The following DCDC2C variants were observed in gnomAD, a reference collection of about 807,000 sequenced individuals.
DCDC2C encodes the protein doublecortin domain containing 2C, also known as doublecortin domain-containing protein 2C.
Under a neutral mutation model 45.0 loss-of-function variants are expected in DCDC2C, and 44 were observed. That is an observed-to-expected ratio of 0.98 (90% CI 0.77 to 1.26). The LOEUF (loss-of-function observed/expected upper bound fraction) is 1.26, where lower values mean the gene tolerates loss of function less well. Among genes scored for constraint, DCDC2C ranks in the 50% most tolerant of loss-of-function variants. DCDC2C has a pLI of 0.00. For synonymous variants in DCDC2C, 187 were observed against 178.8 expected (o/e 1.05, Z -0.37); for missense variants, 447 against 468.9 (o/e 0.95, Z 0.43).
intron 10 of DCDC2C, among the ~76,000 whole-genome samples, chr2:3,798,880 TGG>T (rs1274181787): frequency 3.3e-5 from 5 of 152,298 alleles, no homozygotes; most frequent in Admixed American, 6.5e-5. Context: ...AGTATCTTTG[TGG>T]CATTCTCTGT....
chr2:3,704,349 CA>C (rs1213351856), intron 1 of DCDC2C, among the ~76,000 whole-genome samples: 5 of 113,904 alleles, frequency 4.4e-5, no homozygotes, highest in Admixed American at 2.6e-4. Context: ...GGGGCAGAAA[CA>C]GGGGTGTGGA....
At chr2:3,758,639 A>T (rs1669792183) in intron 6 of DCDC2C, among the ~76,000 whole-genome samples, 1 of 152,176 alleles carries the variant, frequency 6.6e-6, no homozygotes, top group Admixed American at 6.5e-5. Flanking sequence ...GTGGTATAAC[A>T]AACCACCCCC....
chr2:3,771,860 C>G (rs755144922), intron 8 of DCDC2C, among the ~76,000 whole-genome samples: 1 of 152,234 alleles, frequency 6.6e-6, no homozygotes, highest in Non-Finnish European at 1.5e-5. Flanking sequence ...CCCATGGACA[C>G]AGGGAAGGTG....
chr2:3,787,731 C>G (rs1670691274), intron 10 of DCDC2C, among the ~76,000 whole-genome samples: 1 of 152,212 alleles, frequency 6.6e-6, no homozygotes, highest in Non-Finnish European at 1.5e-5. Context: ...CTGAATTCCT[C>G]TGCTCAGAGT....
rs186893238 is a variant in DCDC2C, at chr2:3,720,296, C to T, written c.340-6707C>T. 8.6e-4 allele frequency among the ~76,000 whole-genome samples: 131 copies of T among 152,310 alleles called. 1 individual carries two copies. The highest frequency in any genetic ancestry group is 3.0e-3 in the African/African-American group (126 of 41,564). ...AGCAAGAGTCAGCTGCGGAAAGTAT[C>T]AGAAACATTCTGCATCAGGAACAGT... On this transcript the variant is annotated intron_variant, in intron 2 of 10. Transcript: ENST00000399143.
chr2:3,845,713 G>T (rs1192409764), intron 10 of DCDC2C, among the ~76,000 whole-genome samples: 1 of 152,156 alleles, frequency 6.6e-6, no homozygotes, highest in Non-Finnish European at 1.5e-5. Context: ...GCAGGAAAAA[G>T]AACTTTGAAA....
chr2:3,817,417 G>C (rs1489205783), intron 10 of DCDC2C, among the ~76,000 whole-genome samples: 1 of 152,220 alleles, frequency 6.6e-6, no homozygotes, highest in African/African-American at 2.4e-5. Flanking sequence ...CCCTTTGCAA[G>C]AGTGAGGGCC....
intron 10 of DCDC2C, among the ~76,000 whole-genome samples, chr2:3,839,742 C>G (rs1156463636): frequency 6.6e-6 from 1 of 152,244 alleles, no homozygotes; most frequent in Non-Finnish European, 1.5e-5. Flanking sequence ...CCCTGGCTGT[C>G]AGCTCCCGCA....
At chr2:3,723,568 G>A (rs961743517) in intron 2 of DCDC2C, among the ~76,000 whole-genome samples, 5 of 152,174 alleles carry the variant, frequency 3.3e-5, no homozygotes, top group African/African-American at 9.7e-5. Context: ...TGCATGGCCC[G>A]AGGCTCAGTG....
At chr2:3,758,464 A>G (rs1221714860) in intron 6 of DCDC2C, among the ~76,000 whole-genome samples, 1 of 152,224 alleles carries the variant, frequency 6.6e-6, no homozygotes, top group Non-Finnish European at 1.5e-5. Context: ...TATTATATAC[A>G]CGGAAAGACC....
chr2:3,802,143 C>A (rs1021868117), intron 10 of DCDC2C, among the ~76,000 whole-genome samples: 9 of 152,188 alleles, frequency 5.9e-5, no homozygotes, highest in Non-Finnish European at 1.3e-4. Flanking sequence ...GTCCCCAAGC[C>A]CTTGATGCTG....
intron 4 of DCDC2C, among the ~76,000 whole-genome samples, chr2:3,743,204 A>ACATATACAC (rs1669266716): frequency 6.6e-6 from 1 of 152,136 alleles, no homozygotes; most frequent in Non-Finnish European, 1.5e-5. Flanking sequence ...AGAATATACA[A>ACATATACAC]CAATTATCAA....
intron 10 of DCDC2C, among the ~76,000 whole-genome samples, chr2:3,836,848 C>G (rs1303462157): frequency 2.5e-5 from 3 of 121,380 alleles, no homozygotes; most frequent in African/African-American, 9.7e-5. Context: ...GGCGACAGAG[C>G]GAGACTCCGT....
intron 8 of DCDC2C, among the ~76,000 whole-genome samples, chr2:3,770,164 A>G (rs1257811918): frequency 6.6e-6 from 1 of 152,200 alleles, no homozygotes; most frequent in African/African-American, 2.4e-5. Context: ...TACATTTCCA[A>G]TTCTTAGTTT....
chr2:3,711,194 A>T (rs918037960), intron 2 of DCDC2C, among the ~76,000 whole-genome samples: 1 of 152,184 alleles, frequency 6.6e-6, no homozygotes, highest in Non-Finnish European at 1.5e-5. Context: ...TGTTGGTGGG[A>T]GGGTAAATTA....
At chr2:3,766,219 G>A (rs925531407) in intron 6 of DCDC2C, among the ~76,000 whole-genome samples, 8 of 151,996 alleles carry the variant, frequency 5.3e-5, no homozygotes, top group Non-Finnish European at 1.0e-4. Flanking sequence ...TTACTAGGGT[G>A]GGTTGTGCAT....
At chr2:3,742,543 A>T (rs1669247190) in intron 4 of DCDC2C, among the ~76,000 whole-genome samples, 3 of 151,916 alleles carry the variant, frequency 2.0e-5, no homozygotes, top group South Asian at 4.2e-4. Flanking sequence ...GCGTGGAGCA[A>T]ATCTCCTCTC....
At position 3,708,552 on chromosome 2, in the gene DCDC2C, T is replaced by C. The variant is rs1326356703; in HGVS notation, c.291T>C (p.Tyr97=). The change falls in exon 2 of 11, where the codon TAT becomes TAC. Residue 97 remains tyrosine (Y), a synonymous_variant. Transcript: ENST00000399143. Reference sequence around the variant, plus strand: ...TTTCTTCTTTCTTCTTTTGCAGTTATATTCATATAGTTCCCCGAAAACCTG... The same window carrying C: ...TTTCTTCTTTCTTCTTTTGCAGTTACATTCATATAGTTCCCCGAAAACCTG... ...AGRERFKELD[Y]IHIVPRKPAK... The C allele has an allele frequency of 1.3e-6, 2 of 1,545,078 alleles. No individual in the cohort carries two copies. The highest frequency in any genetic ancestry group is 1.7e-6 in the Non-Finnish European group (2 of 1,144,034).
intron 5 of DCDC2C, among the ~76,000 whole-genome samples, chr2:3,753,881 TA>T (rs1281468423): frequency 6.6e-6 from 1 of 152,178 alleles, no homozygotes; most frequent in Admixed American, 6.5e-5. Flanking sequence ...GGCAGATGGT[TA>T]GGTTAGAGTC....
Sources: allele counts gnomAD v4.1 joint callset (sites outside exome capture counted in the v4.1 genomes callset), GRCh38; gene constraint gnomAD v4.1.1; transcripts MANE v1.5; gene names NCBI Gene and HGNC (gene_info 2026-07-23, HGNC 2026-07-21).